Variants in NEDD4L observed in about 807,000 individuals in gnomAD.
NEDD4L encodes the protein NEDD4 like E3 ubiquitin protein ligase.
NEDD4L carries 54 observed loss-of-function variants against 148.9 expected under a neutral mutation model. That is an observed-to-expected ratio of 0.36 (90% CI 0.29 to 0.45). The LOEUF (loss-of-function observed/expected upper bound fraction) is 0.45. Among genes scored for constraint, NEDD4L ranks in the 20% least tolerant of loss-of-function variants. The pLI is 1.00. For synonymous variants in NEDD4L, 433 were observed against 440.7 expected, an observed-to-expected ratio of 0.98 and a Z score of 0.22; for missense variants, 856 against 1,233.8, an observed-to-expected ratio of 0.69 and a Z score of 4.59.
intron 1 of NEDD4L, among the ~76,000 whole-genome samples, chr18:58,127,575 C>T (rs1424885277): frequency 6.6e-6 from 1 of 151,728 alleles, no homozygotes; most frequent in Non-Finnish European, 1.5e-5. Context: ...TGCGGTGGCT[C>T]ACACCTGTGA....
At chr18:58,394,036 C>T (rs1404528078) in intron 30 of NEDD4L, among the ~76,000 whole-genome samples, 1 of 152,208 alleles carries the variant, frequency 6.6e-6, no homozygotes, top group Non-Finnish European at 1.5e-5. Flanking sequence ...TCGTTCAGCC[C>T]ATGCATCTTC....
At chr18:58,236,977 C>CAT (rs2046104393) in intron 2 of NEDD4L, among the ~76,000 whole-genome samples, 1 of 152,102 alleles carries the variant, frequency 6.6e-6, no homozygotes, top group Admixed American at 6.6e-5. Context: ...GAGCCAAGAT[C>CAT]ATGCCATTGC....
intron 1 of NEDD4L, among the ~76,000 whole-genome samples, chr18:58,098,519 C>A (rs9952093): frequency 0.034 from 5,157 of 152,196 alleles, 296 homozygotes; most frequent in African/African-American, 0.12. Context: ...GGTTTGAATC[C>A]TTGCTTGGCC....
rs374643362 is a variant in NEDD4L, at chr18:58,380,780, G to T, written c.2353-2466G>T. Among the ~76,000 whole-genome samples, 29 of 152,180 alleles carry T rather than the reference G, an allele frequency of 1.9e-4. No homozygotes were observed. In the South Asian group the frequency reaches 5.8e-3, roughly 31 times the overall value. On this transcript the variant is annotated intron_variant, in intron 24 of 30. Transcript: ENST00000400345. ...GATGTTCCCCTCCCTGTGTCCATGA[G>T]TTCTCATCGTTTAACTCCCACTTAT...
intron 2 of NEDD4L, among the ~76,000 whole-genome samples, chr18:58,199,239 T>C (rs1258461757): frequency 6.6e-6 from 1 of 152,252 alleles, no homozygotes; most frequent in Non-Finnish European, 1.5e-5. Context: ...GAAATTTTGA[T>C]ATATTTATCC....
At chr18:58,105,728 ACATAATGGTTCAAGCC>A (rs2085031142) in intron 1 of NEDD4L, among the ~76,000 whole-genome samples, 2 of 152,304 alleles carry the variant, frequency 1.3e-5, no homozygotes, top group Admixed American at 1.3e-4. Context: ...CCAACTCCAC[ACATAATGGTTCAAGCC>A]CTCTGACTAC....
chr18:58,314,058 C>A (rs1344904280), intron 5 of NEDD4L, among the ~76,000 whole-genome samples: 1 of 152,152 alleles, frequency 6.6e-6, no homozygotes, highest in Non-Finnish European at 1.5e-5. Context: ...AATTTATGGT[C>A]AATATTCAGT....
chr18:58,241,080 G>C (rs1026186009), intron 2 of NEDD4L, among the ~76,000 whole-genome samples: 1 of 152,160 alleles, frequency 6.6e-6, no homozygotes, highest in South Asian at 2.1e-4. Context: ...AAAGTGCTGA[G>C]ATTACAGGCG....
intron 2 of NEDD4L, among the ~76,000 whole-genome samples, chr18:58,202,580 C>T (rs910985180): frequency 6.6e-6 from 1 of 152,244 alleles, no homozygotes; most frequent in African/African-American, 2.4e-5. Flanking sequence ...AGTTCCTTTT[C>T]AACACGTGGA....
At chr18:58,369,272 A>T (rs941805169) in intron 22 of NEDD4L, among the ~76,000 whole-genome samples, 6 of 152,120 alleles carry the variant, frequency 3.9e-5, no homozygotes, top group African/African-American at 1.4e-4. Flanking sequence ...GGCCTTGTGG[A>T]AGAAGATGGG....
At chr18:58,107,763 A>G (rs1231258114) in intron 1 of NEDD4L, among the ~76,000 whole-genome samples, 1 of 151,868 alleles carries the variant, frequency 6.6e-6, no homozygotes, top group Non-Finnish European at 1.5e-5. Flanking sequence ...GTCGTGGACA[A>G]AGAGGAAAGG....
intron 9 of NEDD4L, among the ~76,000 whole-genome samples, chr18:58,326,896 A>AT (rs1167186066): frequency 1.3e-5 from 2 of 152,038 alleles, no homozygotes; most frequent in East Asian, 1.9e-4. Context: ...AATATATACT[A>AT]TTTTTTTGAT....
At chr18:58,071,331 G>A (rs1221464805) in intron 1 of NEDD4L, among the ~76,000 whole-genome samples, 3 of 151,820 alleles carry the variant, frequency 2.0e-5, no homozygotes, top group Admixed American at 1.3e-4. Context: ...AAAAATATTG[G>A]GTGACCAAAC....
intron 2 of NEDD4L, among the ~76,000 whole-genome samples, chr18:58,209,485 C>G (rs1169867989): frequency 1.7e-5 from 1 of 60,364 alleles, no homozygotes; most frequent in South Asian, 7.1e-4. Context: ...TTACTCTTCC[C>G]CCTCCTTTCT....
chr18:58,071,387 T>G (rs966941054), intron 1 of NEDD4L, among the ~76,000 whole-genome samples: 1 of 151,946 alleles, frequency 6.6e-6, no homozygotes, highest in Non-Finnish European at 1.5e-5. Flanking sequence ...AAAGAACCAA[T>G]AGAAATTCTG....
chr18:58,096,720 T>G (rs1402873149), intron 1 of NEDD4L, among the ~76,000 whole-genome samples: 2 of 152,178 alleles, frequency 1.3e-5, no homozygotes, highest in Non-Finnish European at 2.9e-5. Flanking sequence ...TATTTTATGT[T>G]GTGAGTTTTG....
Position 58,325,132 on chromosome 18 carries a change from G to A in NEDD4L, c.650G>A (p.Arg217Gln), listed in dbSNP as rs1334263665. The stretch of plus-strand genomic sequence containing the variant: ...ACTTACTATGTCAACCACAACAACC[G>A]GACCACTCAGTGGCACAGACCAAGC... ...GRTYYVNHNN[R>Q]TTQWHRPSLM... is the part of the protein sequence containing the mutation. Residue 217 changes from arginine (R) to glutamine (Q), a missense_variant, in exon 9 of 31, where the codon CGG (arginine) becomes CAG (glutamine). By Grantham distance (43) the Arg-to-Gln change is conservative. Coordinates refer to ENST00000400345, the MANE Select transcript of NEDD4L (RefSeq NM_001144967.3). The A allele has an allele frequency of 6.2e-7, 1 of 1,613,960 alleles. No individual in the cohort carries two copies. Among genetic ancestry groups the A allele is most frequent in the Non-Finnish European group, 8.5e-7 (1 of 1,179,892 alleles).
At chr18:58,322,973 G>A (rs2058971176) in intron 7 of NEDD4L, among the ~76,000 whole-genome samples, 1 of 121,562 alleles carries the variant, frequency 8.2e-6, no homozygotes, top group South Asian at 2.9e-4. Flanking sequence ...GTGTGGGTGG[G>A]TGGGGATGCC....
At chr18:58,376,274 C>T (rs978684519) in intron 24 of NEDD4L, among the ~76,000 whole-genome samples, 1 of 152,142 alleles carries the variant, frequency 6.6e-6, no homozygotes, top group Non-Finnish European at 1.5e-5. Context: ...TCATTAAAAA[C>T]AGTTCTCAGA....
Sources: gnomAD v4.1 joint callset for allele counts (sites outside exome capture counted in the v4.1 genomes callset) on GRCh38, gnomAD v4.1.1 for gene constraint, MANE v1.5 for transcripts, NCBI Gene and HGNC (gene_info 2026-07-23, HGNC 2026-07-21) for gene names.